The following ANAPC1 variants were observed in gnomAD, a reference collection of about 807,000 sequenced individuals.
ANAPC1 encodes anaphase-promoting complex subunit 1.
In ANAPC1, 36 loss-of-function variants were observed where a neutral mutation model predicts 208.0. The observed-to-expected ratio is 0.17, with a 90% CI of 0.13 to 0.23. ANAPC1 has a LOEUF of 0.23. Among genes scored for constraint, ANAPC1 ranks in the 10% least tolerant of loss-of-function variants. The pLI is 1.00. For missense variants in ANAPC1, 942 were observed against 2,011.6 expected (o/e 0.47, Z 10.17); for synonymous variants, 378 against 695.2 (o/e 0.54, Z 7.18).
intron 44 of ANAPC1, chr2:111,779,837 C>A (rs1186973423): frequency 8.6e-6 from 2 of 232,810 alleles, no homozygotes; most frequent in South Asian, 5.2e-5. Flanking sequence ...AAAAAACCGA[C>A]CCTGTCTCAA....
intron 17 of ANAPC1, among the ~76,000 whole-genome samples, chr2:111,841,118 T>C (rs1680737504): frequency 6.6e-6 from 1 of 152,166 alleles, no homozygotes; most frequent in Admixed American, 6.5e-5. Context: ...GAGCAATTCC[T>C]TCATGTGCTG....
At position 111,868,412 on chromosome 2, in the gene ANAPC1, G is replaced by GCGGTCTTTTTTTATAA. The variant is rs1682553498; in HGVS notation, c.612-317_612-316insTTATAAAAAAAGACCG. Among the ~76,000 whole-genome samples, 14 of 152,096 alleles carry GCGGTCTTTTTTTATAA rather than the reference G, an allele frequency of 9.2e-5. 1 individual carries two copies. Among genetic ancestry groups the GCGGTCTTTTTTTATAA allele is most frequent in the Middle Eastern group, 6.3e-3 (2 of 316 alleles). ...GTGCATAAAGCGGTCTTTTTTTATTGACCTCTCTTACTGGCAGTGTGTCTT... is the reference window on the plus strand; with the variant it reads ...GTGCATAAAGCGGTCTTTTTTTATTGCGGTCTTTTTTTATAAACCTCTCTTACTGGCAGTGTGTCTT... On this transcript the variant is annotated intron_variant, in intron 6 of 47. Transcript: ENST00000341068.
chr2:111,821,230 T>C lies in ANAPC1; in HGVS notation c.3206+9A>G, dbSNP rs1324562078. ...CATGACAAGAGATAGTGCACGTGTT[T>C]TCTTTCACCTGTTTTCCTTTTCCTC... On this transcript the variant is annotated intron_variant, in intron 26 of 47. Coordinates refer to ENST00000341068, the MANE Select transcript of ANAPC1 (RefSeq NM_022662.4). 5 of 1,601,634 alleles carry C rather than the reference T, an allele frequency of 3.1e-6. No individual in the cohort carries two copies. Among genetic ancestry groups the C allele is most frequent in the Non-Finnish European group, 4.3e-6 (5 of 1,170,476 alleles).
chr2:111,832,305 GAAAA>G (rs11431305), intron 20 of ANAPC1, among the ~76,000 whole-genome samples: 4 of 76,822 alleles, frequency 5.2e-5, no homozygotes, highest in Non-Finnish European at 1.1e-4. Flanking sequence ...CCTGTCTCAA[GAAAA>G]AAAAAAAAAA....
chr2:111,827,439 G>A (rs974320146), intron 21 of ANAPC1, among the ~76,000 whole-genome samples: 6 of 151,942 alleles, frequency 3.9e-5, no homozygotes, highest in Non-Finnish European at 5.9e-5. Context: ...TGCCATCTCC[G>A]CATATACAAG....
chr2:111,794,027 AT>A, intron 37 of ANAPC1, 50 bp downstream of exon 37: 2 of 1,203,064 alleles, frequency 1.7e-6, no homozygotes, highest in Non-Finnish European at 2.2e-6. Context: ...TCATCAGTAA[AT>A]TTTTTTCAAG....
chr2:111,810,528 A>G (rs548428359), intron 28 of ANAPC1, among the ~76,000 whole-genome samples: 111 of 151,684 alleles, frequency 7.3e-4, no homozygotes, highest in African/African-American at 2.5e-3. Flanking sequence ...CTGTGAAGTG[A>G]AAGAGTTTAG....
rs758551350 is a variant in ANAPC1 at position 111,873,635 on chromosome 2, C to T, written c.405G>A (p.Gln135=). 2.5e-6 allele frequency: 4 copies of T among 1,584,580 alleles called. No individual in the cohort carries two copies. Among genetic ancestry groups the T allele is most frequent in the Non-Finnish European group, 3.4e-6 (4 of 1,172,232 alleles). ...QALWCDFIIS[Q]DKSEKAYSSN... ...TACTGTAGGCCTTTTCAGACTTATC[C>T]TGTGATATAATGAAGTCACACCACA... The change falls in exon 4 of 48, where the codon CAG becomes CAA. Residue 135 remains glutamine (Q), a synonymous_variant. Coordinates refer to ENST00000341068, the MANE Select transcript of ANAPC1 (RefSeq NM_022662.4).
chr2:111,852,142 C>T (rs1681437126), intron 13 of ANAPC1, among the ~76,000 whole-genome samples: 1 of 149,442 alleles, frequency 6.7e-6, no homozygotes, highest in African/African-American at 2.5e-5. Flanking sequence ...ACATACCATG[C>T]TATTCCCTCA....
intron 13 of ANAPC1, 22 bp downstream of exon 13, chr2:111,856,592 T>C: frequency 6.2e-7 from 1 of 1,604,178 alleles, no homozygotes. Flanking sequence ...ACTAAAGGCA[T>C]GAAGTGCTAC....
chr2:111,873,985 A>G (rs1682897963), intron 3 of ANAPC1, among the ~76,000 whole-genome samples: 1 of 152,142 alleles, frequency 6.6e-6, no homozygotes, highest in Admixed American at 6.5e-5. Context: ...ACTTTGCAGC[A>G]AAAATTCAAA....
chr2:111,842,018 T>C lies in ANAPC1; in HGVS notation c.2040+1394A>G, dbSNP rs1478679454. On this transcript the variant is annotated intron_variant, in intron 17 of 47. Transcript: ENST00000341068. ...AAACATTACTTGACCTCACAGTTTCTCTTTTAAGATTCAATGCTTGGGAAG... is the reference window on the plus strand; with the variant it reads ...AAACATTACTTGACCTCACAGTTTCCCTTTTAAGATTCAATGCTTGGGAAG... Among the ~76,000 whole-genome samples the C allele has an allele frequency of 3.3e-5, 5 of 152,302 alleles. No homozygotes were observed. In the East Asian group the frequency reaches 9.7e-4, roughly 29 times the overall value.
chr2:111,829,206 C>T (rs1429320390), intron 21 of ANAPC1, among the ~76,000 whole-genome samples: 1 of 151,978 alleles, frequency 6.6e-6, no homozygotes, highest in Admixed American at 6.6e-5. Context: ...AGAGTGACTC[C>T]GTCTCAAGAA....
chr2:111,794,953 T>G, intron 34 of ANAPC1, 59 bp from the exon 35 acceptor site: 1 of 1,097,556 alleles, frequency 9.1e-7, no homozygotes. Context: ...AAATATTTAA[T>G]AATCTGAAGA....
At chr2:111,867,675 G>C (rs567731193) in intron 7 of ANAPC1, among the ~76,000 whole-genome samples, 1 of 140,148 alleles carries the variant, frequency 7.1e-6, no homozygotes, top group South Asian at 2.4e-4. Context: ...CTGGGCCACA[G>C]AGCAAGACCC....
intron 17 of ANAPC1, among the ~76,000 whole-genome samples, chr2:111,843,187 T>C (rs1680862563): frequency 1.3e-5 from 2 of 152,226 alleles, no homozygotes; most frequent in Non-Finnish European, 2.9e-5. Context: ...AATAGTCATA[T>C]ATGCTTTAAC....
chr2:111,789,060 C>A (rs1424404232), intron 38 of ANAPC1, among the ~76,000 whole-genome samples: 3 of 152,238 alleles, frequency 2.0e-5, no homozygotes, highest in African/African-American at 7.2e-5. Flanking sequence ...ATGGCGTGAA[C>A]CCGGGAGGCG....
chr2:111,835,169 T>A (rs1680399164), intron 18 of ANAPC1, among the ~76,000 whole-genome samples: 1 of 152,186 alleles, frequency 6.6e-6, no homozygotes, highest in African/African-American at 2.4e-5. Flanking sequence ...AGAGAAAATT[T>A]AAGATTATCT....
chr2:111,880,501 T>C (rs1351997451), intron 2 of ANAPC1, 112 bp downstream of exon 2: 1 of 1,461,506 alleles, frequency 6.8e-7, no homozygotes, highest in Non-Finnish European at 9.0e-7. Flanking sequence ...ACCTTAACTC[T>C]ACTCTAGAAG....
Sources: gnomAD v4.1 joint callset for allele counts (sites outside exome capture counted in the v4.1 genomes callset) on GRCh38, gnomAD v4.1.1 for gene constraint, MANE v1.5 for transcripts, NCBI Gene and HGNC (gene_info 2026-07-23, HGNC 2026-07-21) for gene names.